Variants in PPP6C observed in about 807,000 individuals in gnomAD.
The protein encoded by PPP6C is serine/threonine-protein phosphatase 6 catalytic subunit.
PPP6C carries 11 observed loss-of-function variants against 39.8 expected under a neutral mutation model. That is an observed-to-expected ratio of 0.28 (90% CI 0.17 to 0.46). PPP6C has a LOEUF of 0.46. Ranked by LOEUF, PPP6C falls within the 20% of genes least tolerant of loss-of-function variation. The pLI is 1.00. For synonymous variants in PPP6C, 129 were observed against 130.3 expected, an observed-to-expected ratio of 0.99 and a Z score of 0.07; for missense variants, 211 against 373.9, an observed-to-expected ratio of 0.56 and a Z score of 3.59.
At chr9:125,188,719 G>A (rs988824745) in intron 1 of PPP6C, among the ~76,000 whole-genome samples, 1 of 151,792 alleles carries the variant, frequency 6.6e-6, no homozygotes, top group Non-Finnish European at 1.5e-5. Context: ...GGGAAGTGGA[G>A]GTTGCAGTGA....
chr9:125,186,850 G>C (rs1474865405), intron 1 of PPP6C, among the ~76,000 whole-genome samples: 2 of 151,108 alleles, frequency 1.3e-5, no homozygotes, highest in African/African-American at 4.9e-5. Context: ...AAATAAAATG[G>C]TCTAAAAATT....
intron 3 of PPP6C, among the ~76,000 whole-genome samples, chr9:125,159,078 G>T (rs1292436925): frequency 1.8e-5 from 2 of 113,696 alleles, no homozygotes; most frequent in Non-Finnish European, 3.6e-5. Context: ...CACTCTTGTT[G>T]CCCAGGCTGG....
chr9:125,168,004 T>C (rs1465869213), intron 2 of PPP6C, among the ~76,000 whole-genome samples: 1 of 152,182 alleles, frequency 6.6e-6, no homozygotes, highest in Non-Finnish European at 1.5e-5. Context: ...TAAGTGAAAC[T>C]GGCATTTTAT....
At chr9:125,185,961 A>G (rs10986625) in intron 1 of PPP6C, among the ~76,000 whole-genome samples, 2,316 of 152,132 alleles carry the variant, frequency 0.015, 117 homozygotes, top group Admixed American at 0.083. Context: ...CTCCACCCTG[A>G]GCAACAAGAG....
At chr9:125,186,933 T>A (rs1194342404) in intron 1 of PPP6C, among the ~76,000 whole-genome samples, 1 of 139,346 alleles carries the variant, frequency 7.2e-6, no homozygotes, top group Non-Finnish European at 1.5e-5. Flanking sequence ...AACAGATTTT[T>A]CTTTCTTTTT....
rs1210573485 is a variant in PPP6C at position 125,147,341 on chromosome 9, G to A, written c.*2332C>T. On this transcript the variant is annotated 3_prime_UTR_variant, in exon 7 of 7. Transcript: ENST00000373547. ...GGATTTTACATTCAGCCTAGATATA[G>A]GGAGTAACAAATCCTCCTGCCCATA... 6.6e-6 allele frequency: 1 copy of A among 152,128 alleles called. No homozygotes were observed. Among genetic ancestry groups the A allele is most frequent in the East Asian group, 1.9e-4 (1 of 5,196 alleles). 9.4% of individuals were successfully genotyped at this position (152,128 alleles called of 1,614,324 possible).
At chr9:125,160,745 C>CT in intron 3 of PPP6C, 96 bp downstream of exon 3, 1 of 854,714 alleles carries the variant, frequency 1.2e-6, no homozygotes, top group Non-Finnish European at 1.7e-6. Flanking sequence ...GAAATAGGGA[C>CT]TGTCACATGG....
chr9:125,181,254 C>T (rs1829416458), intron 1 of PPP6C, among the ~76,000 whole-genome samples: 1 of 152,154 alleles, frequency 6.6e-6, no homozygotes, highest in Admixed American at 6.6e-5. Context: ...CAGCTTTATC[C>T]CAAATTTAGG....
chr9:125,172,551 A>C (rs935153890), intron 1 of PPP6C, among the ~76,000 whole-genome samples: 3 of 152,172 alleles, frequency 2.0e-5, no homozygotes, highest in African/African-American at 7.2e-5. Flanking sequence ...GAAATGGAGA[A>C]CGGATTAGTT....
Position 125,189,628 on chromosome 9 carries a change from C to T in PPP6C, c.75+16G>A. ...GCCCCACAGCCGGAAGGGGCGAGCC[C>T]GCAAATAGGGCTCACCTTCAGGTCG... On this transcript the variant is annotated intron_variant, in intron 1 of 6. Transcript: ENST00000373547. The T allele has an allele frequency of 1.2e-6, 2 of 1,612,698 alleles. No homozygotes were observed. Among genetic ancestry groups the T allele is most frequent in the Non-Finnish European group, 8.5e-7 (1 of 1,179,564 alleles).
intron 1 of PPP6C, among the ~76,000 whole-genome samples, chr9:125,174,783 G>A (rs935758600): frequency 6.6e-6 from 1 of 152,114 alleles, no homozygotes; most frequent in African/African-American, 2.4e-5. Flanking sequence ...GTAGAGGCAC[G>A]TACCTGTAAT....
chr9:125,176,883 C>G (rs377271946), intron 1 of PPP6C, among the ~76,000 whole-genome samples: 4 of 152,218 alleles, frequency 2.6e-5, no homozygotes, highest in African/African-American at 9.6e-5. Flanking sequence ...CAGCTGGATA[C>G]AGGGTGTTAA....
intron 1 of PPP6C, among the ~76,000 whole-genome samples, chr9:125,174,845 G>A (rs149570539): frequency 1.7e-3 from 259 of 152,220 alleles, no homozygotes; most frequent in Admixed American, 4.8e-3. Context: ...CTTGGAGGCA[G>A]AGGTTGCAGT....
At chr9:125,170,242 T>A (rs981780755) in intron 2 of PPP6C, among the ~76,000 whole-genome samples, 3 of 136,430 alleles carry the variant, frequency 2.2e-5, no homozygotes, top group Non-Finnish European at 4.7e-5. Flanking sequence ...TTTGAAATTC[T>A]TTTTTTTTTT....
In PPP6C at chr9:125,147,008, G is replaced by C. The variant is rs1835827387; in HGVS notation, c.*2665C>G. On this transcript the variant is annotated 3_prime_UTR_variant, in exon 7 of 7. Coordinates refer to ENST00000373547, the MANE Select transcript of PPP6C (RefSeq NM_002721.5). ...TCCCAAAGCAAAACCTAGGGCTTAA[G>C]ACGTCAAAATCTTCCAACAGTTCTA... 2 of 152,190 alleles carry C rather than the reference G, an allele frequency of 1.3e-5. No homozygotes were observed. Among genetic ancestry groups the C allele is most frequent in the Admixed American group, 1.3e-4 (2 of 15,280 alleles). The allele number at this position is 152,190 out of a possible 1,614,324, so 9.4% of individuals were successfully genotyped here.
chr9:125,186,485 C>A (rs12235922), intron 1 of PPP6C, among the ~76,000 whole-genome samples: 2,306 of 152,032 alleles, frequency 0.015, 118 homozygotes, highest in Admixed American at 0.082. Context: ...GTGGCTCATG[C>A]CTGTTATCCC....
chr9:125,171,223 T>A (rs1232763472), intron 1 of PPP6C, 43 bp from the exon 2 acceptor site: 1 of 1,413,726 alleles, frequency 7.1e-7, no homozygotes, highest in Non-Finnish European at 9.7e-7. Context: ...ACTACAACAT[T>A]AAAACTAAAG....
At chr9:125,158,839 AT>A (rs1230774673) in intron 3 of PPP6C, among the ~76,000 whole-genome samples, 3 of 150,870 alleles carry the variant, frequency 2.0e-5, no homozygotes, top group South Asian at 4.2e-4. Flanking sequence ...TGATTTTTGT[AT>A]TTTTTGTAGA....
intron 6 of PPP6C, among the ~76,000 whole-genome samples, chr9:125,152,511 A>G (rs1239610301): frequency 1.3e-5 from 2 of 152,176 alleles, no homozygotes; most frequent in African/African-American, 2.4e-5. Context: ...TCAAATGAAC[A>G]GAGATTTCTG....
Sources: gnomAD v4.1 joint callset for allele counts (sites outside exome capture counted in the v4.1 genomes callset) on GRCh38, gnomAD v4.1.1 for gene constraint, MANE v1.5 for transcripts, NCBI Gene and HGNC (gene_info 2026-07-23, HGNC 2026-07-21) for gene names.